Variants in APC observed in about 807,000 individuals in gnomAD.
APC encodes the protein APC regulator of Wnt signaling pathway.
Under a neutral mutation model 247.0 loss-of-function variants are expected in APC, and 72 were observed. That is an observed-to-expected ratio of 0.29 (90% CI 0.24 to 0.35). APC has a LOEUF of 0.35. Ranked by LOEUF, APC falls within the 10% of genes least tolerant of loss-of-function variation. The pLI is 1.00. For missense variants in APC, 3,400 were observed against 3,360.7 expected (o/e 1.01, Z -0.29); for synonymous variants, 1,254 against 1,162.5 (o/e 1.08, Z -1.60).
At chr5:112,807,850 G>A (rs571645625) in intron 8 of APC, among the ~76,000 whole-genome samples, 20 of 152,118 alleles carry the variant, frequency 1.3e-4, no homozygotes, top group Non-Finnish European at 2.9e-4. Context: ...AAAGATAAAA[G>A]TACTTATTAA....
chr5:112,753,101 T>C (rs745836640), intron 1 of APC, among the ~76,000 whole-genome samples: 2 of 152,178 alleles, frequency 1.3e-5, no homozygotes, highest in African/African-American at 4.8e-5. Context: ...CTGTTAATTT[T>C]ATTTGAAATG....
At chr5:112,783,765 C>CAAAAAAAAAAAAAAAAAAAAAAAAAAAAA in intron 6 of APC, 1 of 195,632 alleles carries the variant, frequency 5.1e-6, no homozygotes, top group Non-Finnish European at 9.3e-6. Flanking sequence ...CCACTGCACT[C>CAAAAAAAAAAAAAAAAAAAAAAAAAAAAA]AAAAAAAAAA....
chr5:112,810,322 G>T (rs1388126987), intron 8 of APC: 2 of 230,382 alleles, frequency 8.7e-6, no homozygotes, highest in Non-Finnish European at 1.8e-5. Context: ...GTAATTTTAA[G>T]GTTCTGGTTA....
intron 10 of APC, among the ~76,000 whole-genome samples, chr5:112,820,466 C>T (rs1184141410): frequency 1.3e-5 from 2 of 152,022 alleles, no homozygotes; most frequent in Non-Finnish European, 2.9e-5. Flanking sequence ...CTGGGCAGCA[C>T]AGTGAGACAC....
chr5:112,802,667 A>G lies in APC; in HGVS notation c.834+1284A>G, dbSNP rs138642207. On this transcript the variant is annotated intron_variant, in intron 8 of 15. Transcript: ENST00000257430. ...AAAATGAAAATCATTAAAAATATAA[A>G]AAGATTAGAAGAAAATGTGGGTAGC... Among the ~76,000 whole-genome samples the G allele has an allele frequency of 3.6e-3, 552 of 152,202 alleles. 8 individuals are homozygous for G. The highest frequency in any genetic ancestry group is 0.012 in the African/African-American group (516 of 41,550).
chr5:112,711,887 TA>T (rs143049110), intron 1 of APC, among the ~76,000 whole-genome samples: 3,956 of 150,038 alleles, frequency 0.026, 186 homozygotes, highest in African/African-American at 0.092. Context: ...TCCCTTCTAA[TA>T]AAAAAAAAAT....
chr5:112,779,448 A>G lies in APC; in HGVS notation c.532-1342A>G, dbSNP rs1758083528. Among the ~76,000 whole-genome samples the G allele has an allele frequency of 2.0e-5, 3 of 152,226 alleles. No individual in the cohort carries two copies. The South Asian group carries it at 6.2e-4, about 31-fold the overall frequency. ...CTAATTTATTAAGTAGATCACATTT[A>G]TTTAATATGATATATAAGACATTAT... On this transcript the variant is annotated intron_variant, in intron 5 of 15. Coordinates refer to ENST00000257430, the MANE Select transcript of APC (RefSeq NM_000038.6).
At chr5:112,734,372 A>G (rs941229489), upstream of APC, among the ~76,000 whole-genome samples, 1 of 152,176 alleles carries the variant, frequency 6.6e-6, no homozygotes, top group African/African-American at 2.4e-5. Context: ...GCACACATCT[A>G]ACTTATCTCT....
intron 1 of APC, among the ~76,000 whole-genome samples, chr5:112,718,180 T>G (rs569585528): frequency 8.2e-4 from 125 of 152,142 alleles, no homozygotes; most frequent in African/African-American, 2.8e-3. Context: ...GTAGTAAGCA[T>G]AGTTATTTTT....
chr5:112,721,288 C>T (rs1040398542), intron 1 of APC, among the ~76,000 whole-genome samples: 8 of 151,980 alleles, frequency 5.3e-5, no homozygotes, highest in Non-Finnish European at 1.2e-4. Context: ...GTGGCGTGTG[C>T]CTGTAATCCC....
At chr5:112,815,987 T>TA (rs1762471263) in intron 9 of APC, among the ~76,000 whole-genome samples, 1 of 152,230 alleles carries the variant, frequency 6.6e-6, no homozygotes, top group South Asian at 2.1e-4. Flanking sequence ...ATCAGGTTTA[T>TA]AAAAAGTGCC....
intron 14 of APC, 129 bp from the exon 15 acceptor site, chr5:112,834,822 A>T: frequency 3.7e-6 from 3 of 800,970 alleles, no homozygotes; most frequent in East Asian, 5.3e-5. Context: ...GAAAGTTCTT[A>T]ATTTACCAGT....
rs1763162239 is a variant in APC at position 112,821,881 on chromosome 5, G to A, written c.1313-15G>A. On this transcript the variant is annotated splice_polypyrimidine_tract_variant and intron_variant, in intron 10 of 15. Coordinates refer to ENST00000257430, the MANE Select transcript of APC (RefSeq NM_000038.6). ...ATAACAAAGCATTATGGTTTATGTT[G>A]ATTTTATTTTTCAGTGCCAGCTCCT... 3 of 1,594,016 alleles carry A rather than the reference G, an allele frequency of 1.9e-6. No individual in the cohort carries two copies.
Position 112,845,669 on chromosome 5 carries a change from TG to T in APC, c.*1544del, listed in dbSNP as rs1232270492. The T allele has an allele frequency of 4.3e-6, 1 of 232,070 alleles. No individual in the cohort carries two copies. The highest frequency in any genetic ancestry group is 8.5e-6 in the Non-Finnish European group (1 of 117,378). The allele number at this position is 232,070 out of a possible 1,614,324, so 14.4% of individuals were successfully genotyped here. ...GTGGTAGGTACAGTTCTGGGGTACA[TG>T]TTAAGTGTCCCCTTATACAGTGGAG... On this transcript the variant is annotated 3_prime_UTR_variant, in exon 16 of 16. Transcript: ENST00000257430.
At chr5:112,782,533 A>G (rs1758461757) in intron 6 of APC, among the ~76,000 whole-genome samples, 1 of 152,176 alleles carries the variant, frequency 6.6e-6, no homozygotes, top group African/African-American at 2.4e-5. Flanking sequence ...TGGGGGCTTA[A>G]CTAGTGTTTG....
At chr5:112,781,835 C>T (rs1238597678) in intron 6 of APC, among the ~76,000 whole-genome samples, 2 of 151,426 alleles carry the variant, frequency 1.3e-5, no homozygotes, top group African/African-American at 4.9e-5. Flanking sequence ...TCACCTGCAA[C>T]TTCCGCCTCC....
intron 1 of APC, among the ~76,000 whole-genome samples, chr5:112,730,957 T>C (rs1166266063): frequency 1.3e-5 from 2 of 152,274 alleles, no homozygotes; most frequent in East Asian, 3.9e-4. Context: ...TTTATCTCTC[T>C]CTGCTTTTCT....
At chr5:112,835,709 A>T (rs1764816344) in intron 15 of APC, among the ~76,000 whole-genome samples, 1 of 151,496 alleles carries the variant, frequency 6.6e-6, no homozygotes, top group Non-Finnish European at 1.5e-5. Context: ...ACAAGCTGGG[A>T]CTACAGATGC....
chr5:112,815,392 A>G, intron 8 of APC, 103 bp from the exon 9 acceptor site: 1 of 797,100 alleles, frequency 1.3e-6, no homozygotes, highest in Non-Finnish European at 2.1e-6. Flanking sequence ...GATGTATTTA[A>G]TTGTTTATCA....
Sources: gnomAD v4.1 joint callset for allele counts (sites outside exome capture counted in the v4.1 genomes callset) on GRCh38, gnomAD v4.1.1 for gene constraint, MANE v1.5 for transcripts, NCBI Gene and HGNC (gene_info 2026-07-23, HGNC 2026-07-21) for gene names.